Variants in CSMD1 observed in about 807,000 individuals in gnomAD.
CSMD1 encodes the protein CUB and sushi domain-containing protein 1.
CSMD1 carries 213 observed loss-of-function variants against 417.5 expected under a neutral mutation model. That is an observed-to-expected ratio of 0.51 (90% CI 0.46 to 0.57). CSMD1 has a LOEUF of 0.57. Among genes scored for constraint, CSMD1 ranks in the 20% least tolerant of loss-of-function variants. The pLI, the probability that CSMD1 is intolerant of heterozygous loss-of-function variation, is 0.00. For synonymous variants in CSMD1, 2,862 were observed against 1,736.8 expected (o/e 1.65, Z -16.11); for missense variants, 6,923 against 4,529.7 (o/e 1.53, Z -15.17).
chr8:4,992,208 T>A (rs1811505845), intron 1 of CSMD1, among the ~76,000 whole-genome samples: 1 of 152,022 alleles, frequency 6.6e-6, no homozygotes, highest in African/African-American at 2.4e-5. Context: ...GCCCACTACC[T>A]GGCCCTCCAC....
At chr8:4,299,663 C>T (rs1203595920) in intron 3 of CSMD1, among the ~76,000 whole-genome samples, 1 of 152,096 alleles carries the variant, frequency 6.6e-6, no homozygotes, top group Non-Finnish European at 1.5e-5. Flanking sequence ...GAGATGGAGT[C>T]TCATTCTGTC....
intron 12 of CSMD1, among the ~76,000 whole-genome samples, chr8:3,443,406 T>A (rs147646598): frequency 2.6e-5 from 4 of 151,912 alleles, no homozygotes; most frequent in South Asian, 2.1e-4. Flanking sequence ...AGAAAAAAAA[T>A]AGAGCCTAAA....
chr8:4,680,800 G>C (rs1279308038), intron 1 of CSMD1, among the ~76,000 whole-genome samples: 2 of 151,990 alleles, frequency 1.3e-5, no homozygotes, highest in Non-Finnish European at 2.9e-5. Context: ...GGATGGTCTT[G>C]ATCTCTTGAC....
At chr8:4,531,947 G>C (rs535849013) in intron 2 of CSMD1, among the ~76,000 whole-genome samples, 48 of 142,882 alleles carry the variant, frequency 3.4e-4, no homozygotes, top group Non-Finnish European at 6.3e-4. Flanking sequence ...ACTCACTCCA[G>C]AAAAGAAATC....
intron 2 of CSMD1, among the ~76,000 whole-genome samples, chr8:4,429,797 A>G (rs1047079313): frequency 9.2e-5 from 14 of 152,234 alleles, no homozygotes; most frequent in South Asian, 2.1e-4. Flanking sequence ...TATACCGGCA[A>G]TCCCCTCCCA....
intron 3 of CSMD1, among the ~76,000 whole-genome samples, chr8:4,088,856 C>T (rs560124828): frequency 6.6e-6 from 1 of 152,146 alleles, no homozygotes; most frequent in African/African-American, 2.4e-5. Flanking sequence ...CTCCTGGTTT[C>T]CATGACACCG....
chr8:4,601,741 G>C (rs184614082), intron 2 of CSMD1, among the ~76,000 whole-genome samples: 22 of 152,266 alleles, frequency 1.4e-4, no homozygotes, highest in African/African-American at 5.3e-4. Context: ...CTTCCCTGTA[G>C]CTGGAGAAAA....
chr8:3,500,291 C>G (rs1453052171), intron 10 of CSMD1, among the ~76,000 whole-genome samples: 1 of 152,104 alleles, frequency 6.6e-6, no homozygotes, highest in Non-Finnish European at 1.5e-5. Flanking sequence ...GTGCTGGGCA[C>G]TCTAGCTAGA....
chr8:3,649,848 G>A (rs996364216), intron 7 of CSMD1, among the ~76,000 whole-genome samples: 1 of 152,156 alleles, frequency 6.6e-6, no homozygotes, highest in Non-Finnish European at 1.5e-5. Flanking sequence ...CTTGCTAGAT[G>A]TTTTCTCAAT....
chr8:3,919,946 A>G (rs1809112092), intron 5 of CSMD1, among the ~76,000 whole-genome samples: 1 of 152,150 alleles, frequency 6.6e-6, no homozygotes, highest in Admixed American at 6.6e-5. Context: ...ACTCAGAAAC[A>G]CAACTGAGTC....
chr8:2,948,277 G>A (rs1323052667), intron 68 of CSMD1, among the ~76,000 whole-genome samples: 1 of 151,816 alleles, frequency 6.6e-6, no homozygotes, highest in Non-Finnish European at 1.5e-5. Context: ...AACAACCTTG[G>A]GAACTTCTAT....
chr8:4,618,015 G>C (rs1187953315), intron 2 of CSMD1, among the ~76,000 whole-genome samples: 1 of 152,144 alleles, frequency 6.6e-6, no homozygotes, highest in South Asian at 2.1e-4. Flanking sequence ...CTCTTGGCCA[G>C]TTTTACTTTA....
At chr8:3,385,835 G>A (rs1327742662) in intron 18 of CSMD1, among the ~76,000 whole-genome samples, 1 of 151,914 alleles carries the variant, frequency 6.6e-6, no homozygotes, top group African/African-American at 2.4e-5. Context: ...AGAAGAAGTT[G>A]GCCAGAGAAT....
rs79810790 is a variant in CSMD1, at chr8:3,884,566, A to G, written c.818+113337T>C. On this transcript the variant is annotated intron_variant, in intron 5 of 69. Transcript: ENST00000635120. ...GGACTCTGATATACCTGGGTGTGGA[A>G]TTGCACACATACACATGGAAACATC... is the stretch of plus-strand genomic sequence containing the variant. Among the ~76,000 whole-genome samples, 99 of 152,314 alleles carry G rather than the reference A, an allele frequency of 6.5e-4. No individual in the cohort carries two copies. In the Middle Eastern group the frequency reaches 0.01, roughly 16 times the overall value.
At chr8:4,566,891 C>T (rs201326769) in intron 2 of CSMD1, among the ~76,000 whole-genome samples, 1 of 29,856 alleles carries the variant, frequency 3.3e-5, no homozygotes, top group Non-Finnish European at 9.3e-5. Context: ...TGAATGTTTT[C>T]CAGCAATGAG....
intron 3 of CSMD1, among the ~76,000 whole-genome samples, chr8:4,208,746 A>G (rs1164647880): frequency 6.6e-6 from 1 of 152,232 alleles, no homozygotes; most frequent in Non-Finnish European, 1.5e-5. Flanking sequence ...AATATGGAGA[A>G]TATATTGTCG....
At chr8:3,212,920 C>G (rs1418368629) in intron 30 of CSMD1, among the ~76,000 whole-genome samples, 1 of 151,106 alleles carries the variant, frequency 6.6e-6, no homozygotes, top group Non-Finnish European at 1.5e-5. Flanking sequence ...CCTCTGCCTC[C>G]CGGGTTCAAG....
chr8:3,666,722 C>G (rs1477774543), intron 7 of CSMD1, among the ~76,000 whole-genome samples: 2 of 152,134 alleles, frequency 1.3e-5, no homozygotes, highest in Non-Finnish European at 1.5e-5. Flanking sequence ...AGGGGAAACC[C>G]CTTTGGCTTG....
At chr8:3,951,346 G>A (rs2740862) in intron 5 of CSMD1, among the ~76,000 whole-genome samples, 76,032 of 152,020 alleles carry the variant, frequency 0.5, 19,461 homozygotes, top group African/African-American at 0.6. Flanking sequence ...TGTCCTGAAC[G>A]GAGCAGGAAT....
Sources: gnomAD v4.1 joint callset for allele counts (sites outside exome capture counted in the v4.1 genomes callset) on GRCh38, gnomAD v4.1.1 for gene constraint, MANE v1.5 for transcripts, NCBI Gene and HGNC (gene_info 2026-07-23, HGNC 2026-07-21) for gene names.